Variants in IQSEC3 observed in about 807,000 individuals in gnomAD.
The protein encoded by IQSEC3 is IQ motif and Sec7 domain ArfGEF 3, also known as IQ motif and SEC7 domain-containing protein 3.
A neutral mutation model predicts 105.4 loss-of-function variants in IQSEC3; 50 were observed. That is an observed-to-expected ratio of 0.47 (90% CI 0.38 to 0.60). IQSEC3 has a LOEUF of 0.60. IQSEC3 is among the 20% of genes least tolerant of loss of function. The pLI is 0.00. For synonymous variants in IQSEC3, 708 were observed against 746.0 expected, an observed-to-expected ratio of 0.95 and a Z score of 0.83; for missense variants, 1,415 against 1,630.0, an observed-to-expected ratio of 0.87 and a Z score of 2.27.
At position 162,633 on chromosome 12, in the gene IQSEC3, T is replaced by C. The variant is rs1010407962; in HGVS notation, c.2583+568T>C. On this transcript the variant is annotated intron_variant, in intron 8 of 13. Coordinates refer to ENST00000538872, the MANE Select transcript of IQSEC3 (RefSeq NM_001170738.2). Reference sequence around the variant, plus strand: ...GCCTCAGGGGACGGTGTGGGAGAGTTTGGAGATCTCTTCTGAGGCCCTGCA... The same window carrying C: ...GCCTCAGGGGACGGTGTGGGAGAGTCTGGAGATCTCTTCTGAGGCCCTGCA... Among the ~76,000 whole-genome samples the C allele has an allele frequency of 2.0e-5, 3 of 152,130 alleles. No homozygotes were observed. The East Asian group carries it at 5.8e-4, about 29-fold the overall frequency.
intron 2 of IQSEC3, among the ~76,000 whole-genome samples, chr12:118,709 G>A (rs565934341): frequency 6.6e-6 from 1 of 152,360 alleles, no homozygotes; most frequent in East Asian, 1.9e-4. Context: ...CTCAGGGGCT[G>A]AGCCTGCAGG....
At chr12:135,778 T>A (rs1865744248) in intron 3 of IQSEC3, among the ~76,000 whole-genome samples, 1 of 152,204 alleles carries the variant, frequency 6.6e-6, no homozygotes, top group Non-Finnish European at 1.5e-5. Context: ...CTCTAGTGAC[T>A]GAGGGCCTAA....
Position 73,087 on chromosome 12 carries a change from TAAATAAATAAAA to T in IQSEC3, c.554+5654_554+5665del, listed in dbSNP as rs1187050850. On this transcript the variant is annotated intron_variant, in intron 1 of 13. Transcript: ENST00000538872. Reference sequence around the variant, plus strand: ...ATAAATAAATAAATAAATAAATAAATAAATAAATAAAAAAGGGAATCAGGAGTAAGGCAAGGG... The same window carrying T: ...ATAAATAAATAAATAAATAAATAAATAAGGGAATCAGGAGTAAGGCAAGGG... Among the ~76,000 whole-genome samples the T allele has an allele frequency of 1.1e-3, 149 of 138,064 alleles. 2 individuals carry two copies. The highest frequency in any genetic ancestry group is 3.9e-3 in the African/African-American group (141 of 36,270). 90.6% of individuals were successfully genotyped at this position (138,064 alleles called of 152,430 possible). A position where few individuals can be genotyped will look rare whatever the true frequency, so the allele number is the denominator to read the frequency against.
intron 2 of IQSEC3, among the ~76,000 whole-genome samples, chr12:109,511 C>A (rs557019811): frequency 2.0e-5 from 3 of 152,300 alleles, no homozygotes; most frequent in South Asian, 4.1e-4. Context: ...ACATCCTGAA[C>A]CCTTTCTACA....
intron 11 of IQSEC3, 46 bp downstream of exon 11, chr12:165,936 G>T: frequency 6.3e-7 from 1 of 1,597,900 alleles, no homozygotes; most frequent in South Asian, 1.1e-5. Flanking sequence ...TTCCCATTCA[G>T]CAAGGGACAG....
intron 1 of IQSEC3, among the ~76,000 whole-genome samples, chr12:97,851 A>T (rs910225921): frequency 1.1e-4 from 16 of 152,292 alleles, no homozygotes; most frequent in African/African-American, 3.4e-4. Context: ...TTCCATGCAG[A>T]TAGCCAAATT....
intron 1 of IQSEC3, among the ~76,000 whole-genome samples, chr12:73,858 C>T (rs1863421215): frequency 6.6e-6 from 1 of 152,254 alleles, no homozygotes; most frequent in South Asian, 2.1e-4. Flanking sequence ...TTGAGCATAC[C>T]CTGAAAAGCA....
At chr12:147,044 T>G (rs1172279340) in intron 5 of IQSEC3, among the ~76,000 whole-genome samples, 2 of 152,210 alleles carry the variant, frequency 1.3e-5, no homozygotes, top group Non-Finnish European at 2.9e-5. Flanking sequence ...TCCCTTTGGC[T>G]TCGTCACTTT....
chr12:144,738 A>G (rs1339350663), intron 5 of IQSEC3, among the ~76,000 whole-genome samples: 1 of 152,250 alleles, frequency 6.6e-6, no homozygotes, highest in Non-Finnish European at 1.5e-5. Context: ...ACACATTCCA[A>G]GAAGGAATGT....
In IQSEC3 at chr12:138,753, G is replaced by C. The variant is rs542933933; in HGVS notation, c.1390G>C (p.Gly464Arg). 5 of 1,550,428 alleles carry C rather than the reference G, an allele frequency of 3.2e-6. No homozygotes were observed. Among genetic ancestry groups the C allele is most frequent in the East Asian group, 4.8e-5 (2 of 41,962 alleles). ...RAPESAGPGPGDDAAETPGLP... is the reference protein window; with the variant it reads ...RAPESAGPGPRDDAAETPGLP... ...GCCGGAGAGCGCGGGCCCCGGGCCC[G>C]GGGATGACGCCGCGGAGACCCCCGG... Residue 464 changes from glycine to arginine, a missense_variant, in exon 4 of 14, where the codon GGG (glycine) becomes CGG (arginine). Around this residue, in one of 6 missense-constraint regions of IQSEC3, gnomAD observed 720 missense variants for 633.0 expected, o/e 1.14. Transcript: ENST00000538872. The surrounding 1 kb of genome is among the most constrained non-coding windows in gnomAD (Gnocchi z 7.1).
intron 2 of IQSEC3, among the ~76,000 whole-genome samples, chr12:119,853 G>T (rs552003367): frequency 1.3e-5 from 2 of 152,142 alleles, no homozygotes; most frequent in African/African-American, 4.8e-5. Flanking sequence ...ATCTTTGGTG[G>T]GGCTGATGGG....
At chr12:125,263 C>T (rs1285913019) in intron 2 of IQSEC3, among the ~76,000 whole-genome samples, 2 of 152,182 alleles carry the variant, frequency 1.3e-5, no homozygotes, top group African/African-American at 2.4e-5. Context: ...TTACTGTGCC[C>T]ATTTTATAGA....
rs184482835 is a variant in IQSEC3 at position 78,435 on chromosome 12, G to A, written c.554+10999G>A. ...GCTAGGAGGGGTCGGGGATGAGGAC[G>A]GTGACACCGAGGTACAAATTCTACT... On this transcript the variant is annotated intron_variant, in intron 1 of 13. Coordinates refer to ENST00000538872, the MANE Select transcript of IQSEC3 (RefSeq NM_001170738.2). Among the ~76,000 whole-genome samples the A allele has an allele frequency of 9.5e-3, 1,446 of 151,950 alleles. 10 individuals carry two copies. Among genetic ancestry groups the A allele is most frequent in the African/African-American group, 0.022 (912 of 41,432 alleles).
rs1555088224 is a variant in IQSEC3, at chr12:139,166, C to G, written c.1803C>G (p.Ser601Arg). Residue 601 changes from serine (S) to arginine (R), a missense_variant, in exon 4 of 14, where the codon AGC becomes AGG. Ser to Arg is a moderately radical substitution (Grantham distance 110, BLOSUM62 -1). This residue lies in a region of IQSEC3 where 720 missense variants were observed against 633.0 expected (regional missense o/e 1.14). Transcript: ENST00000538872. ...AGDLEQLSSS[S>R]TSTKSAKSGS... ...ACTTGGAGCAGCTGAGCAGCAGCAG[C>G]ACGTCCACCAAGTCCGCCAAGTCAG... 6 of 1,570,418 alleles carry G rather than the reference C, an allele frequency of 3.8e-6. No homozygotes were observed. The South Asian group carries it at 7.0e-5, about 18-fold the overall frequency.
Position 122,964 on chromosome 12 carries a change from C to T in IQSEC3, c.624-2669C>T, listed in dbSNP as rs570591032. 4.3e-4 allele frequency among the ~76,000 whole-genome samples: 66 copies of T among 152,228 alleles called. No homozygotes were observed. In the South Asian group the frequency reaches 7.7e-3, roughly 18 times the overall value. On this transcript the variant is annotated intron_variant, in intron 2 of 13. Coordinates refer to ENST00000538872, the MANE Select transcript of IQSEC3 (RefSeq NM_001170738.2). ...AAGATGAGTAAAACTGTATGCTGCC[C>T]GGCAGGCCCTGGACACAGGCTGTGC...
Position 168,993 on chromosome 12 carries a change from C to T in IQSEC3, c.2972-20C>T, listed in dbSNP as rs781883312. 12 of 1,607,316 alleles carry T rather than the reference C, an allele frequency of 7.5e-6. No individual in the cohort carries two copies. In the East Asian group the frequency reaches 1.1e-4, roughly 15 times the overall value. ...TTGAGGTTAAGGTTTCTCTTGCTCA[C>T]GGGCCTCTGCATTCCTTAGGGGAGC... On this transcript the variant is annotated intron_variant, in intron 11 of 13. Coordinates refer to ENST00000538872, the MANE Select transcript of IQSEC3 (RefSeq NM_001170738.2).
In IQSEC3 at chr12:143,992, G is replaced by T. The variant is rs1866153594; in HGVS notation, c.2153+2707G>T. The T allele has an allele frequency of 3.3e-5, 5 of 153,710 alleles. No homozygotes were observed. The South Asian group carries it at 1.0e-3, about 31-fold the overall frequency. 9.5% of individuals were successfully genotyped at this position (153,710 alleles called of 1,614,324 possible). ...GCCTCCAGCCGGAACCCTGGCTTGGGCAAGGTTGAGTGCAGAGCTAAGCCC... is the reference window on the plus strand; with the variant it reads ...GCCTCCAGCCGGAACCCTGGCTTGGTCAAGGTTGAGTGCAGAGCTAAGCCC... On this transcript the variant is annotated intron_variant, in intron 5 of 13. Transcript: ENST00000538872.
intron 5 of IQSEC3, 195 bp downstream of exon 5, chr12:141,480 T>A: frequency 3.5e-6 from 2 of 571,218 alleles, no homozygotes; most frequent in South Asian, 2.8e-5. Flanking sequence ...GTCAGAGTCA[T>A]TGATTGAGTT....
At chr12:106,685 C>T (rs1306999914) in intron 2 of IQSEC3, 4 of 152,194 alleles carry the variant, frequency 2.6e-5, no homozygotes, top group Non-Finnish European at 2.9e-5. Flanking sequence ...GTTCTTGTTT[C>T]ATTTACTGGA....
Sources: allele counts gnomAD v4.1 joint callset (sites outside exome capture counted in the v4.1 genomes callset), GRCh38; gene constraint gnomAD v4.1.1; regional missense constraint gnomAD v4.1.1; non-coding constraint Gnocchi (gnomAD v3.1); transcripts MANE v1.5; gene names NCBI Gene and HGNC (gene_info 2026-07-23, HGNC 2026-07-21).